F13A1: variants seen among roughly 807,000 people sequenced by gnomAD.
F13A1 encodes the protein coagulation factor XIII A chain.
A neutral mutation model predicts 80.1 loss-of-function variants in F13A1; 47 were observed. That is an observed-to-expected ratio of 0.59 (90% confidence interval 0.46 to 0.75). The LOEUF (loss-of-function observed/expected upper bound fraction) is 0.75, where lower values mean the gene tolerates loss of function less well. Among genes scored for constraint, F13A1 ranks in the 30% least tolerant of loss-of-function variants. F13A1 has a pLI of 0.00. For synonymous variants in F13A1, 349 were observed against 344.9 expected (o/e 1.01, Z -0.13); for missense variants, 817 against 930.4 (o/e 0.88, Z 1.59).
intron 10 of F13A1, 135 bp from the exon 11 acceptor site, chr6:6,182,276 T>C (rs1761002360): frequency 1.1e-6 from 1 of 888,266 alleles, no homozygotes; most frequent in Non-Finnish European, 1.8e-6. Context: ...TGGATTCGTA[T>C]CATAGGGCCA....
chr6:6,216,055 T>G (rs1372051170), intron 8 of F13A1, among the ~76,000 whole-genome samples: 1 of 144,946 alleles, frequency 6.9e-6, no homozygotes, highest in Non-Finnish European at 1.5e-5. Context: ...GAACATTCCA[T>G]GCGCATGGGT....
intron 4 of F13A1, among the ~76,000 whole-genome samples, chr6:6,264,146 C>T (rs1404619990): frequency 6.6e-6 from 1 of 152,218 alleles, no homozygotes; most frequent in Non-Finnish European, 1.5e-5. Flanking sequence ...AGATTGTCCA[C>T]CTCCTGAGTA....
chr6:6,305,120 A>G (rs1758493474), intron 3 of F13A1: 1 of 591,224 alleles, frequency 1.7e-6, no homozygotes, highest in Admixed American at 2.8e-5. Context: ...ACATTATACC[A>G]GTTTTACTTT....
intron 12 of F13A1, among the ~76,000 whole-genome samples, chr6:6,171,026 A>G (rs1760763340): frequency 6.6e-6 from 1 of 152,104 alleles, no homozygotes; most frequent in Admixed American, 6.5e-5. Flanking sequence ...CCCTAGGTCG[A>G]TGACTGAGAG....
intron 2 of F13A1, among the ~76,000 whole-genome samples, chr6:6,309,614 C>G (rs777871683): frequency 6.6e-6 from 1 of 152,096 alleles, no homozygotes; most frequent in Non-Finnish European, 1.5e-5. Flanking sequence ...GGAGACCATG[C>G]GAAGGAGTTT....
At chr6:6,175,269 C>G (rs962842128) in intron 11 of F13A1, among the ~76,000 whole-genome samples, 1 of 152,180 alleles carries the variant, frequency 6.6e-6, no homozygotes, top group African/African-American at 2.4e-5. Flanking sequence ...TTGCCTCTTG[C>G]CATTCCACCT....
At chr6:6,293,204 G>A (rs555659180) in intron 3 of F13A1, among the ~76,000 whole-genome samples, 37 of 152,208 alleles carry the variant, frequency 2.4e-4, no homozygotes, top group African/African-American at 8.2e-4. Flanking sequence ...CTGTCACTTC[G>A]GAGGGCTCCT....
Position 6,318,561 on chromosome 6 carries a change from A to G in F13A1, c.104T>C (p.Val35Ala), listed in dbSNP as rs540456397. 25 of 1,613,798 alleles carry G rather than the reference A, an allele frequency of 1.5e-5. No individual in the cohort carries two copies. The South Asian group carries it at 2.3e-4, about 15-fold the overall frequency. The change falls in exon 2 of 15, where the codon GTG becomes GCG. Residue 35 changes from valine to alanine, a missense_variant. Coordinates refer to ENST00000264870, the MANE Select transcript of F13A1 (RefSeq NM_000129.4). The part of the protein sequence containing the change: ...DDLPTVELQG[V>A]VPRGVNLQEF... ...TTGCAGGTTGACGCCCCGGGGCACC[A>G]CGCCCTGAAGCTCCACTGTGGGCAG...
At chr6:6,239,034 C>T (rs1352189582) in intron 6 of F13A1, among the ~76,000 whole-genome samples, 1 of 152,024 alleles carries the variant, frequency 6.6e-6, no homozygotes, top group African/African-American at 2.4e-5. Flanking sequence ...AACACATACA[C>T]AAAAACACTT....
In F13A1 at chr6:6,167,323, GTATTT is replaced by G. The variant is rs369872387; in HGVS notation, c.1908+130_1908+134del. 3.4e-5 allele frequency: 30 copies of G among 875,346 alleles called. No homozygotes were observed. The Admixed American group carries it at 5.3e-4, about 15-fold the overall frequency. 54.2% of individuals were successfully genotyped at this position (875,346 alleles called of 1,614,324 possible). On this transcript the variant is annotated intron_variant, in intron 13 of 14. Transcript: ENST00000264870. ...AAAGAACAAGAGGATCCTAGCACTG[GTATTT>G]TTTTTTTTTTTTTTTTTTGAGCAGG...
chr6:6,196,293 A>G (rs972841429), intron 9 of F13A1, among the ~76,000 whole-genome samples: 2 of 152,206 alleles, frequency 1.3e-5, no homozygotes, highest in African/African-American at 4.8e-5. Context: ...CATTATGAAC[A>G]TATGTCAAGT....
chr6:6,185,203 A>C (rs936930086), intron 10 of F13A1, among the ~76,000 whole-genome samples: 2 of 151,282 alleles, frequency 1.3e-5, no homozygotes, highest in Non-Finnish European at 2.9e-5. Flanking sequence ...ATATGTATAC[A>C]TGTGCCATGC....
intron 6 of F13A1, among the ~76,000 whole-genome samples, chr6:6,239,689 T>C (rs1297230555): frequency 6.7e-6 from 1 of 148,722 alleles, no homozygotes; most frequent in Non-Finnish European, 1.5e-5. Flanking sequence ...TTGACAATAA[T>C]GAGAGAAATA....
intron 6 of F13A1, among the ~76,000 whole-genome samples, chr6:6,235,428 T>C (rs1002864923): frequency 6.6e-5 from 10 of 152,034 alleles, no homozygotes; most frequent in Admixed American, 5.2e-4. Flanking sequence ...AAAGAACCCT[T>C]GAAACTCAAT....
intron 3 of F13A1, among the ~76,000 whole-genome samples, chr6:6,300,423 G>C (rs909781105): frequency 2.6e-5 from 4 of 151,776 alleles, no homozygotes; most frequent in Non-Finnish European, 5.9e-5. Context: ...CTCTGATCCA[G>C]GTGCGGGATA....
intron 6 of F13A1, among the ~76,000 whole-genome samples, chr6:6,228,918 TG>T (rs1757314146): frequency 6.6e-6 from 1 of 151,968 alleles, no homozygotes; most frequent in African/African-American, 2.4e-5. Context: ...CCTCCAGTTG[TG>T]GGGGTGGGTT....
At chr6:6,209,807 A>G (rs1305109265) in intron 8 of F13A1, among the ~76,000 whole-genome samples, 2 of 152,226 alleles carry the variant, frequency 1.3e-5, no homozygotes, top group Admixed American at 6.5e-5. Flanking sequence ...AAATCCATAG[A>G]GAGAGAAAGT....
intron 13 of F13A1, among the ~76,000 whole-genome samples, chr6:6,163,647 G>A (rs1016528518): frequency 2.6e-5 from 4 of 152,202 alleles, no homozygotes; most frequent in East Asian, 3.9e-4. Context: ...GGCTCCATTC[G>A]TGTTCCTGCG....
At position 6,151,846 on chromosome 6, in the gene F13A1, G is replaced by T. The variant is rs1760383117; in HGVS notation, c.2012C>A (p.Pro671His). ...CTTCTTCATTGGTCTTGTTACTCCAGGACCATCCAGGTGTACCCAGACATT... is the reference window on the plus strand; with the variant it reads ...CTTCTTCATTGGTCTTGTTACTCCATGACCATCCAGGTGTACCCAGACATT... ...LRNVWVHLDG[P>H]GVTRPMKKMF... The change falls in exon 14 of 15, where the codon CCT becomes CAT. Residue 671 changes from proline (P) to histidine (H), a missense_variant. By Grantham distance (77) the Pro-to-His change is moderately conservative (BLOSUM62 -2). Coordinates refer to ENST00000264870, the MANE Select transcript of F13A1 (RefSeq NM_000129.4). 3 of 1,614,012 alleles carry T rather than the reference G, an allele frequency of 1.9e-6. No homozygotes were observed. Among genetic ancestry groups the T allele is most frequent in the Non-Finnish European group, 2.5e-6 (3 of 1,179,968 alleles).
Sources: gnomAD v4.1 joint callset for allele counts (sites outside exome capture counted in the v4.1 genomes callset) on GRCh38, gnomAD v4.1.1 for gene constraint, MANE v1.5 for transcripts, NCBI Gene and HGNC (gene_info 2026-07-23, HGNC 2026-07-21) for gene names.